CHRNA3: variants seen among roughly 807,000 people sequenced by gnomAD.
CHRNA3 encodes neuronal acetylcholine receptor subunit alpha-3.
Under a neutral mutation model 41.9 loss-of-function variants are expected in CHRNA3, and 34 were observed. The ratio of observed to expected loss-of-function variants is 0.81; its 90% CI spans 0.62 to 1.08. The LOEUF (loss-of-function observed/expected upper bound fraction) is 1.08. CHRNA3 is among the 50% of genes least tolerant of loss of function. The pLI is 0.00. For missense variants in CHRNA3, 542 were observed against 638.3 expected (o/e 0.85, Z 1.63); for synonymous variants, 281 against 265.2 (o/e 1.06, Z -0.58).
At chr15:78,593,572 G>A (rs1285686517), downstream of CHRNA3, 1 of 176,770 alleles carries the variant, frequency 5.7e-6, no homozygotes, top group African/African-American at 2.4e-5. Flanking sequence ...TGACTGTGCT[G>A]GAGAATTCCA....
chr15:78,602,161 T>C lies in CHRNA3; in HGVS notation c.481A>G (p.Ile161Val). ...TCAAACGGGAAGTAGGTCACGTCGA[T>C]TTTACAGGAGCTCTTAAAGATGGCC... ...PPAIFKSSCK[I>V]DVTYFPFDYQ... is the part of the protein sequence containing the mutation. Residue 161 changes from isoleucine (I) to valine (V), a missense_variant, in exon 5 of 6, where the codon ATC (isoleucine) becomes GTC (valine). Coordinates refer to ENST00000326828, the MANE Select transcript of CHRNA3 (RefSeq NM_000743.5). 1 of 1,614,112 alleles carries C rather than the reference T, an allele frequency of 6.2e-7. No homozygotes were observed. Among genetic ancestry groups the C allele is most frequent in the South Asian group, 1.1e-5 (1 of 91,070 alleles).
At chr15:78,607,618 C>T (rs1031759538) in intron 4 of CHRNA3, 2 of 152,292 alleles carry the variant, frequency 1.3e-5, no homozygotes, top group African/African-American at 2.4e-5. Flanking sequence ...AGGAACAGCT[C>T]CGGTCTACAG....
intron 4 of CHRNA3, among the ~76,000 whole-genome samples, chr15:78,615,609 C>G (rs2053449128): frequency 6.6e-6 from 1 of 152,182 alleles, no homozygotes; most frequent in Admixed American, 6.5e-5. Flanking sequence ...CCCAGACCCA[C>G]TGACTCAGTG....
intron 3 of CHRNA3, 61 bp downstream of exon 3, chr15:78,618,556 C>T: frequency 6.2e-7 from 1 of 1,602,418 alleles, no homozygotes; most frequent in Non-Finnish European, 8.5e-7. Context: ...TCTTGGTTCA[C>T]CTAAAGCAAA....
At chr15:78,615,716 A>G (rs902528632) in intron 4 of CHRNA3, among the ~76,000 whole-genome samples, 5 of 151,444 alleles carry the variant, frequency 3.3e-5, no homozygotes, top group Non-Finnish European at 5.9e-5. Context: ...AAAGAATAAA[A>G]TATTTTGAAT....
downstream of CHRNA3, chr15:78,595,170 T>C (rs1336269675): frequency 3.0e-5 from 13 of 438,736 alleles, no homozygotes; most frequent in Non-Finnish European, 3.9e-5. Flanking sequence ...TGAATTTAGA[T>C]TGCCTGCCAG....
In CHRNA3 at chr15:78,617,184, G is replaced by A. The variant is rs529799888; in HGVS notation, c.268-51C>T. 1.3e-5 allele frequency: 17 copies of A among 1,304,622 alleles called. No homozygotes were observed. In the East Asian group the frequency reaches 3.5e-4, roughly 27 times the overall value. 80.8% of individuals were successfully genotyped at this position (1,304,622 alleles called of 1,614,324 possible). A position where few individuals can be genotyped will look rare whatever the true frequency, so the allele number is the denominator to read the frequency against. On this transcript the variant is annotated intron_variant, in intron 3 of 5. Coordinates refer to ENST00000326828, the MANE Select transcript of CHRNA3 (RefSeq NM_000743.5). ...AAGGAGACGGTAAAAGAATCAGCCT[G>A]GTTTTACTTCCCGTGGCACCACCCA...
At chr15:78,593,183 T>C (rs532896027), downstream of CHRNA3, 2 of 1,613,898 alleles carry the variant, frequency 1.2e-6, no homozygotes, top group African/African-American at 2.7e-5. Context: ...TCTCTTGGGC[T>C]TTTTGTTCCT....
intron 1 of CHRNA3, chr15:78,619,276 A>C (rs930193814): frequency 3.6e-6 from 1 of 280,144 alleles, no homozygotes; most frequent in Non-Finnish European, 6.8e-6. Flanking sequence ...AAGGATTATA[A>C]ACGTATCCAC....
Position 78,608,431 on chromosome 15 carries a change from G to A in CHRNA3, c.378-6167C>T, listed in dbSNP as rs540928590. Among the ~76,000 whole-genome samples the A allele has an allele frequency of 2.5e-3, 374 of 152,182 alleles. 2 individuals carry two copies. The highest frequency in any genetic ancestry group is 7.5e-3 in the African/African-American group (313 of 41,498). ...CAAGATCCACTGTTCTACAGCCACC[G>A]CTGTTCTGCAGCCACCGCTGCTGAT... On this transcript the variant is annotated intron_variant, in intron 4 of 5. Transcript: ENST00000326828.
intron 4 of CHRNA3, among the ~76,000 whole-genome samples, chr15:78,605,844 G>A (rs2053276993): frequency 6.6e-6 from 1 of 152,164 alleles, no homozygotes; most frequent in Non-Finnish European, 1.5e-5. Flanking sequence ...TGCCATGACT[G>A]TGCGGTCATG....
At chr15:78,596,806 G>A (rs1162832866) in intron 5 of CHRNA3, 74 bp from the exon 6 acceptor site, 10 of 1,528,058 alleles carry the variant, frequency 6.5e-6, no homozygotes, top group African/African-American at 4.2e-5. Context: ...TACTGAAGAT[G>A]TAATCAACAC....
chr15:78,603,107 G>A (rs1032606708), intron 4 of CHRNA3, among the ~76,000 whole-genome samples: 3 of 152,112 alleles, frequency 2.0e-5, no homozygotes, highest in African/African-American at 4.8e-5. Flanking sequence ...TCTGTCTCCC[G>A]GGGTTCAAGC....
At position 78,596,059 on chromosome 15, in the gene CHRNA3, G is replaced by A. The variant is rs1465591586; in HGVS notation, c.*545C>T. On this transcript the variant is annotated 3_prime_UTR_variant, in exon 6 of 6. Transcript: ENST00000326828. Reference sequence around the variant, plus strand: ...GAATAACTAGGCATGATTTCTCATGGTATAATTTAGAAGTATGCAAGAGAA... The same window carrying A: ...GAATAACTAGGCATGATTTCTCATGATATAATTTAGAAGTATGCAAGAGAA... The A allele has an allele frequency of 1.0e-6, 1 of 983,774 alleles. No homozygotes were observed. Among genetic ancestry groups the A allele is most frequent in the East Asian group, 1.1e-4 (1 of 8,800 alleles). The allele number at this position is 983,774 out of a possible 1,614,324, so 60.9% of individuals were successfully genotyped here.
At chr15:78,618,264 T>G in intron 3 of CHRNA3, 1 of 256,746 alleles carries the variant, frequency 3.9e-6, no homozygotes, top group South Asian at 6.4e-5. Context: ...AACTGAGTTT[T>G]TAGCAAGAGG....
intron 4 of CHRNA3, among the ~76,000 whole-genome samples, chr15:78,606,291 A>G (rs1596076673): frequency 1.3e-5 from 2 of 149,148 alleles, no homozygotes; most frequent in Non-Finnish European, 3.0e-5. Flanking sequence ...ATGCCATTGC[A>G]CTCCAGCCTT....
chr15:78,620,368 T>TGCGCGGGGCATGGCGACGGGCA, intron 1 of CHRNA3: 1 of 261,106 alleles, frequency 3.8e-6, no homozygotes, highest in Non-Finnish European at 7.3e-6. Context: ...TGGGAGCCAG[T>TGCGCGGGGCATGGCGACGGGCA]GCGCGGGGCA....
chr15:78,605,875 CTG>C (rs1002101407), intron 4 of CHRNA3, among the ~76,000 whole-genome samples: 2 of 152,168 alleles, frequency 1.3e-5, no homozygotes, highest in Non-Finnish European at 2.9e-5. Flanking sequence ...GGTGTCATGA[CTG>C]TGGAGACTGG....
At chr15:78,618,492 GT>G (rs2141346579) in intron 3 of CHRNA3, 124 bp downstream of exon 3, 1 of 1,078,038 alleles carries the variant, frequency 9.3e-7, no homozygotes, top group Non-Finnish European at 1.4e-6. Context: ...CTGCCAGTCA[GT>G]GGACCCCAAT....
Sources: gnomAD v4.1 joint callset for allele counts (sites outside exome capture counted in the v4.1 genomes callset) on GRCh38, gnomAD v4.1.1 for gene constraint, MANE v1.5 for transcripts, NCBI Gene and HGNC (gene_info 2026-07-23, HGNC 2026-07-21) for gene names.